SLC14A2: variants seen among roughly 807,000 people sequenced by gnomAD.
SLC14A2 encodes urea transporter 2.
A neutral mutation model predicts 104.6 loss-of-function variants in SLC14A2; 91 were observed. The observed-to-expected ratio is 0.87, with a 90% CI of 0.73 to 1.04. SLC14A2 has a LOEUF of 1.04. SLC14A2 is among the 50% of genes least tolerant of loss of function. The pLI is 0.00. For synonymous variants in SLC14A2, 476 were observed against 466.4 expected (o/e 1.02, Z -0.27); for missense variants, 1,189 against 1,156.0 (o/e 1.03, Z -0.41).
At chr18:45,329,076 GA>G (rs569017811) in intron 1 of SLC14A2, among the ~76,000 whole-genome samples, 17 of 152,070 alleles carry the variant, frequency 1.1e-4, no homozygotes, top group Admixed American at 5.2e-4. Flanking sequence ...CAAAGTGAAA[GA>G]AAAAAAGGAG....
chr18:45,643,072 G>T (rs111884992), intron 8 of SLC14A2, 60 bp from the exon 9 acceptor site: 1 of 1,513,364 alleles, frequency 6.6e-7, no homozygotes, highest in Admixed American at 1.7e-5. Flanking sequence ...GTCTGCAATG[G>T]CAGTGGCTTA....
chr18:45,241,698 C>A (rs1005955785), intron 1 of SLC14A2, among the ~76,000 whole-genome samples: 3 of 135,696 alleles, frequency 2.2e-5, no homozygotes, highest in Non-Finnish European at 3.0e-5. Flanking sequence ...GGCTGGAATG[C>A]AATGGCACAA....
upstream of SLC14A2, among the ~76,000 whole-genome samples, chr18:45,611,126 A>C (rs1209740004): frequency 2.0e-5 from 3 of 152,120 alleles, no homozygotes; most frequent in East Asian, 5.8e-4. Flanking sequence ...CCCTACCCTC[A>C]CCAAACACCA....
intron 1 of SLC14A2, among the ~76,000 whole-genome samples, chr18:45,468,876 A>G (rs898393931): frequency 1.3e-5 from 2 of 152,262 alleles, no homozygotes; most frequent in African/African-American, 4.8e-5. Context: ...AAGATAATAT[A>G]GAAGAAGCAC....
chr18:45,382,963 C>T (rs2144387257), intron 1 of SLC14A2, among the ~76,000 whole-genome samples: 1 of 152,206 alleles, frequency 6.6e-6, no homozygotes, highest in South Asian at 2.1e-4. Context: ...TGGTTGTCTC[C>T]AATGCAGTGT....
intron 1 of SLC14A2, among the ~76,000 whole-genome samples, chr18:45,475,365 G>T (rs1306246982): frequency 6.6e-6 from 1 of 151,812 alleles, no homozygotes; most frequent in African/African-American, 2.4e-5. Context: ...GGGGTGGGGA[G>T]TTCTTTAGAT....
Position 45,478,720 on chromosome 18 carries a change from A to T in SLC14A2, c.-124-4513A>T, listed in dbSNP as rs1054458137. ...AGTTTATAGGGATGTGCCTGACAAC[A>T]CACAAGGTTGTGTGTGTGGATATGT... On this transcript the variant is annotated intron_variant, in intron 1 of 20. Transcript: ENST00000586448. 6.6e-5 allele frequency among the ~76,000 whole-genome samples: 10 copies of T among 152,224 alleles called. 1 individual carries two copies. In the South Asian group the frequency reaches 1.9e-3, roughly 28 times the overall value.
intron 2 of SLC14A2, among the ~76,000 whole-genome samples, chr18:45,520,689 A>G (rs559460820): frequency 6.6e-6 from 1 of 152,236 alleles, no homozygotes; most frequent in African/African-American, 2.4e-5. Context: ...AGAGCATGAA[A>G]TTTCAGCATC....
At chr18:45,315,314 T>C (rs115619203) in intron 1 of SLC14A2, among the ~76,000 whole-genome samples, 1,858 of 152,220 alleles carry the variant, frequency 0.012, 40 homozygotes, top group African/African-American at 0.043. Context: ...GGAAAGGTCA[T>C]TTGGCTGTGA....
chr18:45,576,460 G>T (rs1390511149), intron 2 of SLC14A2, among the ~76,000 whole-genome samples: 1 of 151,768 alleles, frequency 6.6e-6, no homozygotes, highest in Non-Finnish European at 1.5e-5. Flanking sequence ...ATTTGTTTGT[G>T]TTTTTAGTAG....
chr18:45,180,357 T>A, the SLC14A2 span, among the ~76,000 whole-genome samples: 4 of 152,176 alleles, frequency 2.6e-5, no homozygotes, highest in Non-Finnish European at 5.9e-5. Context: ...ATTATTCTAA[T>A]GTACTTAAAA....
intron 2 of SLC14A2, among the ~76,000 whole-genome samples, chr18:45,574,673 T>C (rs538642999): frequency 7.9e-5 from 12 of 152,358 alleles, no homozygotes; most frequent in African/African-American, 2.6e-4. Flanking sequence ...TAAATCAAGA[T>C]AACAAATGTC....
At chr18:45,318,507 G>A (rs2085152420) in intron 1 of SLC14A2, among the ~76,000 whole-genome samples, 1 of 152,148 alleles carries the variant, frequency 6.6e-6, no homozygotes, top group Non-Finnish European at 1.5e-5. Flanking sequence ...GACCTCTTGG[G>A]TGAGGCGCGG....
intron 1 of SLC14A2, among the ~76,000 whole-genome samples, chr18:45,340,866 C>CTT (rs2085386441): frequency 6.6e-6 from 1 of 152,158 alleles, no homozygotes; most frequent in African/African-American, 2.4e-5. Flanking sequence ...AAGGGTGAAG[C>CTT]CACCCTTCAC....
intron 1 of SLC14A2, among the ~76,000 whole-genome samples, chr18:45,464,159 T>C (rs2087097132): frequency 6.6e-6 from 1 of 152,016 alleles, no homozygotes; most frequent in Non-Finnish European, 1.5e-5. Flanking sequence ...AGTAGTGGGG[T>C]GAAGAGTAAA....
intron 2 of SLC14A2, among the ~76,000 whole-genome samples, chr18:45,549,003 G>C (rs998015956): frequency 2.6e-5 from 4 of 152,236 alleles, no homozygotes; most frequent in Non-Finnish European, 5.9e-5. Flanking sequence ...TAGACCAAGA[G>C]AGGCATTTAG....
intron 4 of SLC14A2, among the ~76,000 whole-genome samples, chr18:45,630,408 C>A (rs1424545999): frequency 6.6e-6 from 1 of 152,152 alleles, no homozygotes; most frequent in African/African-American, 2.4e-5. Context: ...CAATTCCCTA[C>A]TAGCCTAAGA....
At chr18:45,194,643 A>ATTTTTT in the SLC14A2 span, among the ~76,000 whole-genome samples, 22 of 108,822 alleles carry the variant, frequency 2.0e-4, 2 homozygotes, top group African/African-American at 3.6e-4. Flanking sequence ...TTGGTCTGTA[A>ATTTTTT]TTTTTTTTTT....
chr18:45,336,438 G>A (rs1056469348), intron 1 of SLC14A2, among the ~76,000 whole-genome samples: 2 of 151,926 alleles, frequency 1.3e-5, no homozygotes, highest in East Asian at 1.9e-4. Flanking sequence ...AGGTGATCTC[G>A]GAGGGCCCTT....
Sources: gnomAD v4.1 joint callset for allele counts (sites outside exome capture counted in the v4.1 genomes callset) on GRCh38, gnomAD v4.1.1 for gene constraint, MANE v1.5 for transcripts, NCBI Gene and HGNC (gene_info 2026-07-23, HGNC 2026-07-21) for gene names.